ELP2: variants seen among roughly 807,000 people sequenced by gnomAD.
The protein encoded by ELP2 is elongator complex protein 2.
A neutral mutation model predicts 119.2 loss-of-function variants in ELP2; 90 were observed. That is an observed-to-expected ratio of 0.75 (90% CI 0.64 to 0.90). The LOEUF is 0.90. Ranked by LOEUF, ELP2 falls within the 40% of genes least tolerant of loss-of-function variation. The pLI is 0.00. For synonymous variants in ELP2, 339 were observed against 331.0 expected (o/e 1.02, Z -0.26); for missense variants, 921 against 967.8 (o/e 0.95, Z 0.64).
rs12083 is a variant in ELP2, at chr18:36,171,049, A to G, written c.2213A>G (p.Tyr738Cys). 2.8e-3 allele frequency: 4,514 copies of G among 1,604,460 alleles called. 108 individuals carry two copies. The African/African-American group carries it at 0.052, about 18-fold the overall frequency. ...VCPVLHPSQR[Y>C]VVAVGLECGK... is the part of the protein sequence containing the mutation. ...TTGTCCCCCTCCCTTAAAAACAGATACGTGGTTGCAGTAGGATTGGAGTGT... is the reference window on the plus strand; with the variant it reads ...TTGTCCCCCTCCCTTAAAAACAGATGCGTGGTTGCAGTAGGATTGGAGTGT... Residue 738 changes from tyrosine to cysteine, a missense_variant and splice_region_variant, in exon 21 of 22, where the codon TAC becomes TGC. Coordinates refer to ENST00000358232, the MANE Select transcript of ELP2 (RefSeq NM_018255.4).
intron 17 of ELP2, 142 bp from the exon 18 acceptor site, chr18:36,164,333 G>A (rs1598820479): frequency 2.8e-6 from 2 of 704,042 alleles, no homozygotes; most frequent in Non-Finnish European, 4.9e-6. Context: ...AATGGTTGTA[G>A]TATGTTATCT....
In ELP2 at chr18:36,177,203, T is replaced by G. The variant is rs2091245574; in HGVS notation, c.*2562T>G. 6.6e-6 allele frequency: 1 copy of G among 152,012 alleles called. No homozygotes were observed. Among genetic ancestry groups the G allele is most frequent in the African/African-American group, 2.4e-5 (1 of 41,356 alleles). 9.4% of individuals were successfully genotyped at this position (152,012 alleles called of 1,614,324 possible). ...TGTAAAATATTAGTGGTAGTTTTTG[T>G]ATGCCCATACTCACGGCACCATTAT... On this transcript the variant is annotated 3_prime_UTR_variant, in exon 22 of 22. Coordinates refer to ENST00000358232, the MANE Select transcript of ELP2 (RefSeq NM_018255.4).
intron 2 of ELP2, 55 bp from the exon 3 acceptor site, chr18:36,136,252 T>TA (rs777552776): frequency 7.1e-5 from 100 of 1,408,654 alleles, no homozygotes; most frequent in Non-Finnish European, 8.9e-5. Context: ...TGGAAATTTT[T>TA]AAAAATTGCA....
rs759153862 is a variant in ELP2, at chr18:36,160,942, G to A, written c.1699G>A (p.Gly567Ser). 24 of 1,611,162 alleles carry A rather than the reference G, an allele frequency of 1.5e-5. No individual in the cohort carries two copies. The highest frequency in any genetic ancestry group is 1.2e-4 in the Admixed American group (7 of 59,966). Reference sequence around the variant, plus strand: ...CTTTTTAAATTTTAGATATGGGCACGGTTATGAAATATTTTGTGTTACTTG... The same window carrying A: ...CTTTTTAAATTTTAGATATGGGCACAGTTATGAAATATTTTGTGTTACTTG... ...WPEVQKLYGH[G>S]YEIFCVTCNS... The change falls in exon 17 of 22, where the codon GGT (glycine) becomes AGT (serine). Residue 567 changes from glycine to serine, a missense_variant. Coordinates refer to ENST00000358232, the MANE Select transcript of ELP2 (RefSeq NM_018255.4).
chr18:36,143,421 C>A (rs2090100835), intron 8 of ELP2, among the ~76,000 whole-genome samples: 1 of 98,022 alleles, frequency 1.0e-5, no homozygotes, highest in Non-Finnish European at 2.0e-5. Context: ...CGTGCCTGGC[C>A]TTTTTTTTTT....
Position 36,179,663 on chromosome 18 carries a change from G to A in ELP2, c.*5022G>A, listed in dbSNP as rs902079233. The A allele has an allele frequency of 2.0e-5, 3 of 152,126 alleles. No individual in the cohort carries two copies. Among genetic ancestry groups the A allele is most frequent in the African/African-American group, 4.8e-5 (2 of 41,408 alleles). The allele number at this position is 152,126 out of a possible 1,614,324, so 9.4% of individuals were successfully genotyped here. A position where few individuals can be genotyped will look rare whatever the true frequency, so the allele number is the denominator to read the frequency against. The stretch of plus-strand genomic sequence containing the variant: ...GCTGACTGTCCCCAGACTGTCTCCC[G>A]ACACAGAGGGATGCAAAGGCAGCCT... On this transcript the variant is annotated 3_prime_UTR_variant, in exon 22 of 22. Transcript: ENST00000358232.
intron 17 of ELP2, among the ~76,000 whole-genome samples, chr18:36,161,402 G>C (rs1211266578): frequency 6.6e-6 from 1 of 152,026 alleles, no homozygotes; most frequent in Non-Finnish European, 1.5e-5. Flanking sequence ...ATAAAACAGC[G>C]ATATCTCAAA....
intron 11 of ELP2, 106 bp from the exon 12 acceptor site, chr18:36,154,744 C>T: frequency 7.9e-7 from 1 of 1,267,504 alleles, no homozygotes; most frequent in Non-Finnish European, 1.1e-6. Context: ...CTTAGCTTTT[C>T]ACCTTGCCAG....
intron 19 of ELP2, among the ~76,000 whole-genome samples, chr18:36,169,750 G>C (rs1453731834): frequency 6.6e-6 from 1 of 152,062 alleles, no homozygotes; most frequent in East Asian, 1.9e-4. Flanking sequence ...TGAGCCTACT[G>C]ATGGGACTCC....
intron 17 of ELP2, among the ~76,000 whole-genome samples, 186 bp from the exon 18 acceptor site, chr18:36,164,289 T>C (rs1156851851): frequency 6.6e-6 from 1 of 152,184 alleles, no homozygotes; most frequent in Admixed American, 6.5e-5. Context: ...TTTTTTTTAA[T>C]CCCAATCATC....
At chr18:36,136,847 C>G (rs928568904) in intron 3 of ELP2, among the ~76,000 whole-genome samples, 1 of 152,054 alleles carries the variant, frequency 6.6e-6, no homozygotes, top group Admixed American at 6.6e-5. Flanking sequence ...GATCTGTTTT[C>G]AATGCTTTTG....
intron 16 of ELP2, 64 bp from the exon 17 acceptor site, chr18:36,160,868 A>G (rs942694453): frequency 3.6e-6 from 4 of 1,113,992 alleles, no homozygotes; most frequent in African/African-American, 1.5e-5. Flanking sequence ...TTTACTTTCA[A>G]AAATTGTGTG....
rs551927064 is a variant in ELP2 at position 36,180,509 on chromosome 18, G to T, written c.*5868G>T. The T allele has an allele frequency of 1.3e-5, 2 of 152,322 alleles. No individual in the cohort carries two copies. Among genetic ancestry groups the T allele is most frequent in the South Asian group, 4.1e-4 (2 of 4,822 alleles). The allele number at this position is 152,322 out of a possible 1,614,324, so 9.4% of individuals were successfully genotyped here. On this transcript the variant is annotated 3_prime_UTR_variant, in exon 22 of 22. Coordinates refer to ENST00000358232, the MANE Select transcript of ELP2 (RefSeq NM_018255.4). ...GATATAAATAAGACAGCAGTAATTTGTATCTGGTACTATTATGATTAAATA... is the reference window on the plus strand; with the variant it reads ...GATATAAATAAGACAGCAGTAATTTTTATCTGGTACTATTATGATTAAATA...
intron 11 of ELP2, among the ~76,000 whole-genome samples, chr18:36,146,636 T>C (rs2090212732): frequency 6.6e-6 from 1 of 152,204 alleles, no homozygotes; most frequent in South Asian, 2.1e-4. Context: ...CTTTCCTGTC[T>C]TCTTAAAAAG....
chr18:36,154,802 G>A (rs2090509277), intron 11 of ELP2, 48 bp from the exon 12 acceptor site: 2 of 1,609,712 alleles, frequency 1.2e-6, no homozygotes, highest in Admixed American at 1.7e-5. Context: ...TTACTTTGGT[G>A]GTAGTCTTTG....
At chr18:36,138,909 A>T (rs768018753) in intron 5 of ELP2, 37 bp downstream of exon 5, 80 of 1,430,954 alleles carry the variant, frequency 5.6e-5, no homozygotes, top group Non-Finnish European at 6.8e-5. Context: ...AAAGGGCAGT[A>T]TATTTGCATA....
chr18:36,143,083 TG>T (rs1338120040), intron 8 of ELP2, 117 bp downstream of exon 8: 1 of 729,772 alleles, frequency 1.4e-6, no homozygotes, highest in East Asian at 2.9e-5. Context: ...GATTCCTACC[TG>T]AAATTTCTTT....
At chr18:36,140,974 G>T in intron 5 of ELP2, among the ~76,000 whole-genome samples, 163 bp from the exon 6 acceptor site, 1 of 152,150 alleles carries the variant, frequency 6.6e-6, no homozygotes, top group East Asian at 1.9e-4. Flanking sequence ...AGTGTTCATT[G>T]TATTCCTGCA....
intron 11 of ELP2, among the ~76,000 whole-genome samples, chr18:36,153,328 C>T (rs1598789502): frequency 6.6e-6 from 1 of 152,280 alleles, no homozygotes; most frequent in African/African-American, 2.4e-5. Flanking sequence ...ATCAAAGATT[C>T]CTCATTCCCC....
Sources: allele counts gnomAD v4.1 joint callset (sites outside exome capture counted in the v4.1 genomes callset), GRCh38; gene constraint gnomAD v4.1.1; transcripts MANE v1.5; gene names NCBI Gene and HGNC (gene_info 2026-07-23, HGNC 2026-07-21).